The following WDPCP variants were observed in gnomAD, a reference collection of about 807,000 sequenced individuals.
WDPCP encodes the protein WD repeat containing planar cell polarity effector.
WDPCP carries 71 observed loss-of-function variants against 93.1 expected under a neutral mutation model. The ratio of observed to expected loss-of-function variants is 0.76; its 90% confidence interval spans 0.63 to 0.93. The LOEUF (loss-of-function observed/expected upper bound fraction) is 0.93, where lower values mean the gene tolerates loss of function less well. Among genes scored for constraint, WDPCP ranks in the 40% least tolerant of loss-of-function variants. The pLI is 0.00. For synonymous variants in WDPCP, 315 were observed against 315.0 expected (o/e 1.00, Z 0.00); for missense variants, 844 against 887.4 (o/e 0.95, Z 0.62).
chr2:63,282,222 T>G (rs2030189), intron 13 of WDPCP, among the ~76,000 whole-genome samples: 1 of 152,122 alleles, frequency 6.6e-6, no homozygotes, highest in Admixed American at 6.5e-5. Flanking sequence ...AAAACAGACA[T>G]GGGCTCGGGC....
At position 63,123,111 on chromosome 2, in the gene WDPCP, G is replaced by T. The variant is rs1345580164; in HGVS notation, c.2191-1055C>A. Among the ~76,000 whole-genome samples, 5 of 151,396 alleles carry T rather than the reference G, an allele frequency of 3.3e-5. No homozygotes were observed. The East Asian group carries it at 9.7e-4, about 29-fold the overall frequency. ...GAATGCGTAATTTAATAGTGCCTGA[G>T]GCTTGAGTGTGTGCTGGCAAGTTCC... On this transcript the variant is annotated intron_variant, in intron 17 of 17. Coordinates refer to ENST00000272321, the MANE Select transcript of WDPCP (RefSeq NM_015910.7).
chr2:63,747,727 C>CT (rs1305284759), intron 2 of WDPCP, among the ~76,000 whole-genome samples: 1 of 151,954 alleles, frequency 6.6e-6, no homozygotes, highest in Non-Finnish European at 1.5e-5. Context: ...CATTTGTCCT[C>CT]TTTAAGAGTG....
At chr2:63,189,987 T>C (rs1674918204) in intron 14 of WDPCP, among the ~76,000 whole-genome samples, 1 of 152,184 alleles carries the variant, frequency 6.6e-6, no homozygotes, top group African/African-American at 2.4e-5. Flanking sequence ...AGCAAACATT[T>C]ATTGAAGGTC....
At chr2:63,630,027 A>G (rs1709848504) in intron 3 of WDPCP, among the ~76,000 whole-genome samples, 1 of 152,228 alleles carries the variant, frequency 6.6e-6, no homozygotes, top group South Asian at 2.1e-4. Flanking sequence ...GCTATTATAA[A>G]TGCTTCAATG....
In WDPCP at chr2:63,431,859, TTAA is replaced by T. The variant is rs144321916; in HGVS notation, c.825+1883_825+1885del. Among the ~76,000 whole-genome samples, 603 of 152,124 alleles carry T rather than the reference TTAA, an allele frequency of 4.0e-3. 6 individuals carry two copies. Among genetic ancestry groups the T allele is most frequent in the African/African-American group, 0.014 (564 of 41,530 alleles). The stretch of plus-strand genomic sequence containing the variant: ...TTGAGAAAAAAATGAATTATATATC[TTAA>T]TAAGATCAAAAGGGAGGAAATTATA... On this transcript the variant is annotated intron_variant, in intron 9 of 17. Transcript: ENST00000272321.
Position 63,622,406 on chromosome 2 carries a change from A to C in WDPCP, n.488+28253T>G. 11 of 1,613,734 alleles carry C rather than the reference A, an allele frequency of 6.8e-6. No individual in the cohort carries two copies. In the South Asian group the frequency reaches 1.2e-4, roughly 18 times the overall value. On this transcript the variant is annotated intron_variant and non_coding_transcript_variant, in intron 3 of 4. Transcript: ENST00000467687. ...ACTGGGCAAGACCAAATTCCTGGAC[A>C]GCTCTGGAGACACCAAATAAGCTAG...
chr2:63,650,769 G>A (rs1558875543), exon 3 of WDPCP: 2 of 152,238 alleles, frequency 1.3e-5, no homozygotes, highest in Admixed American at 6.5e-5. Context: ...GGTGTTGGAA[G>A]GTGAGAGAAT....
At chr2:63,471,051 T>C (rs1330844132) in intron 6 of WDPCP, among the ~76,000 whole-genome samples, 1 of 152,198 alleles carries the variant, frequency 6.6e-6, no homozygotes, top group Admixed American at 6.6e-5. Flanking sequence ...TCCCCCATCA[T>C]GCTTTCTTGC....
intron 1 of WDPCP, among the ~76,000 whole-genome samples, chr2:63,536,729 A>G (rs1704304812): frequency 6.6e-6 from 1 of 150,512 alleles, no homozygotes. Context: ...AAAGATAAAA[A>G]CAAACAACCA....
intron 2 of WDPCP, chr2:63,752,193 G>A (rs773744685): frequency 1.1e-5 from 7 of 662,260 alleles, no homozygotes; most frequent in South Asian, 3.1e-5. Flanking sequence ...TAAAGACAAA[G>A]CTCCTTTTTT....
intron 3 of WDPCP, among the ~76,000 whole-genome samples, chr2:63,646,581 G>T (rs1327105566): frequency 6.6e-6 from 1 of 151,904 alleles, no homozygotes; most frequent in Admixed American, 6.6e-5. Flanking sequence ...TTTCTTGTAG[G>T]ACAGGTCTGG....
intron 12 of WDPCP, among the ~76,000 whole-genome samples, chr2:63,373,462 C>T (rs1691583453): frequency 6.6e-6 from 1 of 151,394 alleles, no homozygotes; most frequent in Non-Finnish European, 1.5e-5. Flanking sequence ...CACTGTGTTG[C>T]TTGTGCTGGT....
chr2:63,433,129 C>T (rs1696882583), intron 9 of WDPCP, among the ~76,000 whole-genome samples: 2 of 152,094 alleles, frequency 1.3e-5, no homozygotes, highest in Non-Finnish European at 2.9e-5. Flanking sequence ...AATGGATGAT[C>T]AAACCATTAT....
chr2:63,825,873 G>A (rs562062878), intron 1 of WDPCP, among the ~76,000 whole-genome samples: 54 of 152,162 alleles, frequency 3.5e-4, no homozygotes, highest in South Asian at 1.2e-3. Flanking sequence ...CAAATATCCA[G>A]GAGGAGAATT....
At chr2:63,482,181 A>G (rs1700304675) in intron 6 of WDPCP, among the ~76,000 whole-genome samples, 1 of 151,992 alleles carries the variant, frequency 6.6e-6, no homozygotes, top group African/African-American at 2.4e-5. Flanking sequence ...CTCATTTTTA[A>G]ACAATTGGAC....
chr2:63,330,568 A>G (rs932658899), intron 12 of WDPCP, among the ~76,000 whole-genome samples: 2 of 152,010 alleles, frequency 1.3e-5, no homozygotes, highest in Non-Finnish European at 2.9e-5. Context: ...TTTGCAGTAC[A>G]GAAACTTTTT....
intron 2 of WDPCP, among the ~76,000 whole-genome samples, chr2:63,795,603 AAAG>A (rs1475749223): frequency 1.3e-5 from 2 of 151,816 alleles, no homozygotes; most frequent in Admixed American, 6.6e-5. Flanking sequence ...GAAAGAAAGA[AAAG>A]AAAGAAAGAA....
In WDPCP at chr2:63,221,959, G is replaced by A. The variant is rs1677871310; in HGVS notation, c.1915+37348C>T. On this transcript the variant is annotated intron_variant, in intron 14 of 17. Coordinates refer to ENST00000272321, the MANE Select transcript of WDPCP (RefSeq NM_015910.7). ...CATTTAAATATCTTTGAGGAGGGGT[G>A]CGGGCTGTCCCATTCTGGGTTGGAT... Among the ~76,000 whole-genome samples the A allele has an allele frequency of 3.3e-5, 5 of 152,264 alleles. No homozygotes were observed. The South Asian group carries it at 1.0e-3, about 32-fold the overall frequency.
At chr2:63,657,203 A>AGGT (rs1710177237) in intron 2 of WDPCP, among the ~76,000 whole-genome samples, 1 of 53,526 alleles carries the variant, frequency 1.9e-5, no homozygotes, top group Non-Finnish European at 3.1e-5. Context: ...GTTCTGGGTG[A>AGGT]TGTTTTTTTT....
Sources: gnomAD v4.1 joint callset for allele counts (sites outside exome capture counted in the v4.1 genomes callset) on GRCh38, gnomAD v4.1.1 for gene constraint, MANE v1.5 for transcripts, NCBI Gene and HGNC (gene_info 2026-07-23, HGNC 2026-07-21) for gene names.